Variants in RNF4 observed in about 807,000 individuals in gnomAD.
RNF4 encodes the protein ring finger protein 4, also known as E3 ubiquitin-protein ligase RNF4.
A neutral mutation model predicts 24.3 loss-of-function variants in RNF4; 7 were observed. The ratio of observed to expected loss-of-function variants is 0.29; its 90% CI spans 0.16 to 0.54. RNF4 has a LOEUF of 0.54. RNF4 is among the 20% of genes least tolerant of loss of function. The pLI, the probability that RNF4 is intolerant of heterozygous loss-of-function variation, is 0.95. For missense variants in RNF4, 209 were observed against 248.5 expected, an observed-to-expected ratio of 0.84 and a Z score of 1.07; for synonymous variants, 83 against 84.3, an observed-to-expected ratio of 0.98 and a Z score of 0.09.
At chr4:2,484,067 T>TTTCCCCCC (rs113878655) in intron 1 of RNF4, among the ~76,000 whole-genome samples, 5 of 13,282 alleles carry the variant, frequency 3.8e-4, no homozygotes, top group African/African-American at 1.6e-3. Context: ...CCTCAGGTGA[T>TTTCCCCCC]CCCCCCCCGC....
chr4:2,483,190 C>T (rs772932975), intron 1 of RNF4, among the ~76,000 whole-genome samples: 3 of 152,142 alleles, frequency 2.0e-5, no homozygotes, highest in South Asian at 2.1e-4. Flanking sequence ...TGGAGCAGTG[C>T]CTTACCCAGA....
chr4:2,504,633 C>T (rs1055157698), intron 4 of RNF4, among the ~76,000 whole-genome samples: 4 of 151,240 alleles, frequency 2.6e-5, no homozygotes, highest in Non-Finnish European at 5.9e-5. Flanking sequence ...TCACTGTAAG[C>T]TCTGCCTCCT....
At chr4:2,472,945 C>T (rs1468176717) in intron 1 of RNF4, among the ~76,000 whole-genome samples, 2 of 151,484 alleles carry the variant, frequency 1.3e-5, no homozygotes, top group Non-Finnish European at 2.9e-5. Flanking sequence ...GAGGCTGAGG[C>T]AGGAGAATGG....
At chr4:2,473,695 T>C (rs1734981044) in intron 1 of RNF4, among the ~76,000 whole-genome samples, 1 of 151,908 alleles carries the variant, frequency 6.6e-6, no homozygotes, top group South Asian at 2.1e-4. Context: ...CCTGTAATCC[T>C]AGCTACTCTG....
chr4:2,481,921 G>A (rs1313245937), intron 1 of RNF4, among the ~76,000 whole-genome samples: 2 of 152,134 alleles, frequency 1.3e-5, no homozygotes, highest in African/African-American at 2.4e-5. Flanking sequence ...TGTTGCCCAG[G>A]CTGGGACACT....
In RNF4 at chr4:2,484,067, T is replaced by TCCCCG. The variant is rs1553877532; in HGVS notation, c.-157-6266_-157-6265insGCCCC. Among the ~76,000 whole-genome samples the TCCCCG allele has an allele frequency of 2.3e-4, 3 of 13,248 alleles. 1 individual carries two copies. Among genetic ancestry groups the TCCCCG allele is most frequent in the African/African-American group, 9.9e-4 (3 of 3,042 alleles). 8.7% of individuals were successfully genotyped at this position (13,248 alleles called of 152,430 possible). A position where few individuals can be genotyped will look rare whatever the true frequency, so the allele number is the denominator to read the frequency against. On this transcript the variant is annotated intron_variant, in intron 1 of 7. Coordinates refer to ENST00000314289, the MANE Select transcript of RNF4 (RefSeq NM_002938.5). ...GTCTCGAACTCCTGGCCTCAGGTGA[T>TCCCCG]CCCCCCCCGCCTCGGCCTCCCAAAG...
At chr4:2,473,162 A>G (rs1450401180) in intron 1 of RNF4, among the ~76,000 whole-genome samples, 4 of 151,888 alleles carry the variant, frequency 2.6e-5, no homozygotes, top group African/African-American at 9.7e-5. Context: ...CAGGCAGATC[A>G]CCTGAGGTCA....
chr4:2,485,889 G>A (rs1021136050), intron 1 of RNF4, among the ~76,000 whole-genome samples: 10 of 152,196 alleles, frequency 6.6e-5, no homozygotes, highest in Admixed American at 3.9e-4. Context: ...TTGAAATGGA[G>A]TATATGTTGG....
At chr4:2,513,614 A>C (rs1736329781) in intron 7 of RNF4, 56 bp from the exon 8 acceptor site, 2 of 1,605,378 alleles carry the variant, frequency 1.2e-6, no homozygotes, top group Non-Finnish European at 1.7e-6. Context: ...CTCTGGCCCC[A>C]TGGCTGCTCT....
At chr4:2,471,562 A>G (rs988113675) in intron 1 of RNF4, among the ~76,000 whole-genome samples, 4 of 151,800 alleles carry the variant, frequency 2.6e-5, no homozygotes, top group East Asian at 1.9e-4. Context: ...AGAAAGGCGT[A>G]TCAAAAGTTG....
At chr4:2,479,319 T>G (rs1458539002) in intron 1 of RNF4, among the ~76,000 whole-genome samples, 3 of 152,144 alleles carry the variant, frequency 2.0e-5, no homozygotes, top group Non-Finnish European at 4.4e-5. Flanking sequence ...GTTAAGACTT[T>G]GGGACTGTGG....
At chr4:2,501,276 A>G (rs1735901659) in intron 4 of RNF4, among the ~76,000 whole-genome samples, 1 of 152,222 alleles carries the variant, frequency 6.6e-6, no homozygotes, top group African/African-American at 2.4e-5. Context: ...TGCCCTCCCA[A>G]CTGAAAGGAA....
chr4:2,507,308 A>G (rs1006625315), intron 4 of RNF4, among the ~76,000 whole-genome samples: 1 of 152,200 alleles, frequency 6.6e-6, no homozygotes, highest in African/African-American at 2.4e-5. Flanking sequence ...GCCCAATTCC[A>G]TAGAAAGAAA....
chr4:2,486,911 A>C (rs1324561764), intron 1 of RNF4, among the ~76,000 whole-genome samples: 1 of 152,166 alleles, frequency 6.6e-6, no homozygotes, highest in Non-Finnish European at 1.5e-5. Flanking sequence ...ACCCAAATGT[A>C]AGATATTTCT....
intron 1 of RNF4, among the ~76,000 whole-genome samples, chr4:2,478,251 C>T (rs1735138614): frequency 6.6e-6 from 1 of 152,188 alleles, no homozygotes; most frequent in African/African-American, 2.4e-5. Flanking sequence ...ATAAGGGAAG[C>T]AGAGCATAAA....
At chr4:2,474,482 CAAAG>C (rs1465588917) in intron 1 of RNF4, among the ~76,000 whole-genome samples, 16 of 151,822 alleles carry the variant, frequency 1.1e-4, no homozygotes, top group Non-Finnish European at 1.6e-4. Flanking sequence ...TGTGGACAGG[CAAAG>C]AAAGTGGTTT....
rs142768082 is a variant in RNF4 at position 2,473,660 on chromosome 4, A to C, written c.-158+4402A>C. ...CCCCGTCTCTACTAAAAATACAAAA[A>C]ATTAGCAGGGCGTGGTGGCGCACGC... On this transcript the variant is annotated intron_variant, in intron 1 of 7. Transcript: ENST00000314289. Among the ~76,000 whole-genome samples the C allele has an allele frequency of 1.1e-4, 16 of 152,030 alleles. No homozygotes were observed. The East Asian group carries it at 3.1e-3, about 30-fold the overall frequency.
chr4:2,469,293 A>C (rs1451826088), intron 1 of RNF4, 35 bp downstream of exon 1: 1 of 152,154 alleles, frequency 6.6e-6, no homozygotes, highest in South Asian at 2.1e-4. Flanking sequence ...AGGTTTAGGC[A>C]GCTTCGCGGC....
At chr4:2,509,037 G>A (rs1455827677) in intron 4 of RNF4, among the ~76,000 whole-genome samples, 2 of 147,066 alleles carry the variant, frequency 1.4e-5, no homozygotes, top group African/African-American at 5.0e-5. Context: ...TCCTGCCTCA[G>A]CATCCCAAGT....
Sources: gnomAD v4.1 joint callset for allele counts (sites outside exome capture counted in the v4.1 genomes callset) on GRCh38, gnomAD v4.1.1 for gene constraint, MANE v1.5 for transcripts, NCBI Gene and HGNC (gene_info 2026-07-23, HGNC 2026-07-21) for gene names.